EOGT: variants seen among roughly 807,000 people sequenced by gnomAD.
EOGT encodes EGF domain-specific O-linked N-acetylglucosamine transferase.
EOGT carries 55 observed loss-of-function variants against 70.5 expected under a neutral mutation model. The observed-to-expected ratio is 0.78, with a 90% confidence interval of 0.63 to 0.98. The LOEUF (loss-of-function observed/expected upper bound fraction) is 0.98, where lower values mean the gene tolerates loss of function less well. Among genes scored for constraint, EOGT ranks in the 50% least tolerant of loss-of-function variants. The pLI, the probability that EOGT is intolerant of heterozygous loss-of-function variation, is 0.00. For synonymous variants in EOGT, 246 were observed against 217.1 expected (o/e 1.13, Z -1.17); for missense variants, 703 against 641.9 (o/e 1.10, Z -1.03).
intron 10 of EOGT, among the ~76,000 whole-genome samples, chr3:68,989,985 T>C (rs2090940660): frequency 1.3e-5 from 2 of 151,976 alleles, no homozygotes; most frequent in African/African-American, 4.8e-5. Context: ...TGTAATTCTA[T>C]GAAATATCCC....
At chr3:68,988,449 T>G (rs2090881783) in intron 12 of EOGT, 57 bp downstream of exon 12, 1 of 1,489,948 alleles carries the variant, frequency 6.7e-7, no homozygotes, top group South Asian at 1.2e-5. Context: ...TACTGTCAAC[T>G]TATGTATAAA....
intron 9 of EOGT, among the ~76,000 whole-genome samples, chr3:69,000,456 A>T (rs2091266622): frequency 6.6e-6 from 1 of 152,214 alleles, no homozygotes; most frequent in Non-Finnish European, 1.5e-5. Flanking sequence ...AAACGAGTCA[A>T]AACCTGGAAC....
At chr3:69,005,805 C>G (rs2091425391) in intron 6 of EOGT, among the ~76,000 whole-genome samples, 1 of 152,172 alleles carries the variant, frequency 6.6e-6, no homozygotes, top group South Asian at 2.1e-4. Flanking sequence ...TCTATTTCAA[C>G]CAATCTGGGT....
chr3:68,986,641 T>A (rs894051572), intron 14 of EOGT, among the ~76,000 whole-genome samples: 1 of 152,220 alleles, frequency 6.6e-6, no homozygotes, highest in Non-Finnish European at 1.5e-5. Context: ...AATGCCCTCA[T>A]GTGAGTACAA....
rs1559618106 is a variant in EOGT at position 69,009,939 on chromosome 3, A to AC, written c.-14-80_-14-79insG. ...ACAACAACAACAACAACAACAAAAA[A>AC]AAAAAAAAAACAAAGGGTCAAGGGC... On this transcript the variant is annotated intron_variant, in intron 3 of 17. Coordinates refer to ENST00000383701, the MANE Select transcript of EOGT (RefSeq NM_001278689.2). 2.3e-4 allele frequency: 167 copies of AC among 734,366 alleles called. No homozygotes were observed. In the African/African-American group the frequency reaches 2.4e-3, roughly 10 times the overall value. 45.5% of individuals were successfully genotyped at this position (734,366 alleles called of 1,614,324 possible). A position where few individuals can be genotyped will look rare whatever the true frequency, so the allele number is the denominator to read the frequency against.
chr3:68,998,435 T>C (rs983725035), intron 9 of EOGT, among the ~76,000 whole-genome samples: 1 of 152,166 alleles, frequency 6.6e-6, no homozygotes, highest in African/African-American at 2.4e-5. Flanking sequence ...CAAAACTGAG[T>C]AGAACTACAG....
chr3:68,984,816 G>A (rs1002171606), intron 14 of EOGT, among the ~76,000 whole-genome samples: 2 of 152,200 alleles, frequency 1.3e-5, no homozygotes, highest in African/African-American at 4.8e-5. Context: ...GCAGTGGCCT[G>A]ATGTTGTTCC....
intron 9 of EOGT, 109 bp downstream of exon 9, chr3:69,001,496 TCTA>T (rs1387325957): frequency 4.7e-6 from 3 of 637,198 alleles, no homozygotes; most frequent in South Asian, 2.1e-5. Context: ...AAAAAACAAA[TCTA>T]CTGTTTGTCA....
In EOGT at chr3:69,008,474, C is replaced by T. The variant is rs2091492898; in HGVS notation, c.265G>A (p.Glu89Lys). ...CAAACTGGGTAACCAAACCTGAACT[C>T]TGGTTTGCAGGATTTCTCATAACCC... ...CWGYEKSCKP[E>K]FRFGYPVCSY... Residue 89 changes from glutamate (E) to lysine (K), a missense_variant, in exon 5 of 18, where the codon GAG becomes AAG. By Grantham distance (56) the Glu-to-Lys change is moderately conservative. Transcript: ENST00000383701. The T allele has an allele frequency of 1.9e-6, 3 of 1,614,028 alleles. No individual in the cohort carries two copies. The African/African-American group carries it at 4.0e-5, about 22-fold the overall frequency.
intron 5 of EOGT, 76 bp downstream of exon 5, chr3:69,008,352 G>T: frequency 9.9e-7 from 1 of 1,011,920 alleles, no homozygotes; most frequent in East Asian, 2.4e-5. Context: ...AAAGAATCTA[G>T]CTGGAAATTA....
chr3:69,011,272 G>A lies in EOGT; in HGVS notation c.-15+664C>T, dbSNP rs145651025. Among the ~76,000 whole-genome samples, 735 of 138,128 alleles carry A rather than the reference G, an allele frequency of 5.3e-3. 18 individuals carry two copies. Among genetic ancestry groups the A allele is most frequent in the Admixed American group, 0.047 (592 of 12,546 alleles). The allele number at this position is 138,128 out of a possible 152,430, so 90.6% of individuals were successfully genotyped here. On this transcript the variant is annotated intron_variant, in intron 3 of 17. Transcript: ENST00000383701. ...TGGATGTTCATCAGCTAGGACTGCT[G>A]TTTCCTGGGTCATACCGGAAAACCC... is the stretch of plus-strand genomic sequence containing the variant.
chr3:69,001,555 G>A (rs1343174144), intron 9 of EOGT, 53 bp downstream of exon 9: 14 of 1,185,506 alleles, frequency 1.2e-5, no homozygotes, highest in Non-Finnish European at 1.7e-5. Flanking sequence ...TCCAAAAAAA[G>A]GAATAATATC....
chr3:68,987,619 G>T, intron 13 of EOGT, 106 bp from the exon 14 acceptor site: 1 of 803,002 alleles, frequency 1.2e-6, no homozygotes, highest in Non-Finnish European at 2.1e-6. Context: ...ACTCAACCAG[G>T]ATACATTAAT....
intron 6 of EOGT, 38 bp from the exon 7 acceptor site, chr3:69,005,272 T>C (rs761557396): frequency 2.5e-6 from 3 of 1,208,802 alleles, no homozygotes; most frequent in Admixed American, 1.8e-5. Context: ...ACTCTGAGTA[T>C]TAACACAGCA....
Position 69,008,599 on chromosome 3 carries a change from A to T in EOGT, c.211-71T>A, listed in dbSNP as rs1004033890. On this transcript the variant is annotated intron_variant, in intron 4 of 17. Transcript: ENST00000383701. ...AGAAGACTCTTAGATTTTTCCATTA[A>T]GAAAACAAATCATTATAGAGCATTC... is the stretch of plus-strand genomic sequence containing the variant. 5.8e-5 allele frequency: 63 copies of T among 1,095,354 alleles called. No homozygotes were observed. In the African/African-American group the frequency reaches 9.1e-4, roughly 16 times the overall value. The allele number at this position is 1,095,354 out of a possible 1,614,324, so 67.9% of individuals were successfully genotyped here. A position where few individuals can be genotyped will look rare whatever the true frequency, so the allele number is the denominator to read the frequency against.
In EOGT at chr3:68,988,957, C is replaced by T. The variant is rs555754138; in HGVS notation, c.892G>A (p.Val298Ile). The T allele has an allele frequency of 8.2e-5, 125 of 1,530,296 alleles. No individual in the cohort carries two copies. The African/African-American group carries it at 9.5e-4, about 12-fold the overall frequency. The allele number at this position is 1,530,296 out of a possible 1,614,324, so 94.8% of individuals were successfully genotyped here. Residue 298 changes from valine to isoleucine, a missense_variant, in exon 11 of 18, where the codon GTT becomes ATT. Transcript: ENST00000383701. Reference protein sequence around the residue: ...DTWNAFTDYDVIHLKTYDSKR... With the variant: ...DTWNAFTDYDIIHLKTYDSKR... ...GAATCATAAGTTTTCAAATGTATAA[C>T]GTCATAATCAGTAAATGCATTCCAT...
intron 3 of EOGT, 67 bp from the exon 4 acceptor site, chr3:69,009,927 C>A (rs1337324963): frequency 2.9e-4 from 154 of 537,972 alleles, no homozygotes; most frequent in South Asian, 8.0e-4. Flanking sequence ...ACAACAACAA[C>A]AACAACAAAA....
At chr3:68,980,637 C>T (rs1479588192) in intron 15 of EOGT, among the ~76,000 whole-genome samples, 3 of 152,120 alleles carry the variant, frequency 2.0e-5, no homozygotes, top group Non-Finnish European at 4.4e-5. Flanking sequence ...AGCTGAATTC[C>T]CTTTTACACC....
intron 14 of EOGT, 39 bp from the exon 15 acceptor site, chr3:68,982,911 T>G: frequency 2.0e-6 from 3 of 1,533,262 alleles, no homozygotes; most frequent in Non-Finnish European, 2.7e-6. Context: ...TTCTTTTCCT[T>G]CTTTCACTTC....
Sources: allele counts gnomAD v4.1 joint callset (sites outside exome capture counted in the v4.1 genomes callset), GRCh38; gene constraint gnomAD v4.1.1; transcripts MANE v1.5; gene names NCBI Gene and HGNC (gene_info 2026-07-23, HGNC 2026-07-21).